SHISA9: variants seen among roughly 807,000 people sequenced by gnomAD.
SHISA9 encodes the protein protein shisa-9.
SHISA9 carries 13 observed loss-of-function variants against 38.0 expected under a neutral mutation model. The ratio of observed to expected loss-of-function variants is 0.34; its 90% CI spans 0.22 to 0.54. The LOEUF is 0.54. SHISA9 is among the 20% of genes least tolerant of loss of function. The pLI is 0.91. For missense variants in SHISA9, 538 were observed against 575.8 expected, an observed-to-expected ratio of 0.93 and a Z score of 0.67; for synonymous variants, 275 against 242.0, an observed-to-expected ratio of 1.14 and a Z score of -1.27.
intron 2 of SHISA9, among the ~76,000 whole-genome samples, chr16:13,097,914 G>A: frequency 6.6e-6 from 1 of 152,198 alleles, no homozygotes; most frequent in East Asian, 1.9e-4. Flanking sequence ...AAACAAGCTA[G>A]TAGTCATAGT....
intron 1 of SHISA9, among the ~76,000 whole-genome samples, chr16:12,912,122 A>C (rs1187783056): frequency 6.6e-6 from 1 of 151,784 alleles, no homozygotes; most frequent in Non-Finnish European, 1.5e-5. Context: ...AATACACGTA[A>C]GACCATACAA....
At chr16:13,398,737 C>A in the SHISA9 span, among the ~76,000 whole-genome samples, 1 of 152,006 alleles carries the variant, frequency 6.6e-6, no homozygotes, top group Non-Finnish European at 1.5e-5. Flanking sequence ...GTCTTGAACT[C>A]CTGACCTCAG....
intron 2 of SHISA9, among the ~76,000 whole-genome samples, chr16:13,094,848 T>C (rs1220864824): frequency 6.6e-6 from 1 of 152,214 alleles, no homozygotes; most frequent in Non-Finnish European, 1.5e-5. Flanking sequence ...TCACTTAACC[T>C]CTCTGAGTCC....
chr16:13,526,751 G>C, the SHISA9 span, among the ~76,000 whole-genome samples: 3 of 151,976 alleles, frequency 2.0e-5, no homozygotes, highest in African/African-American at 4.8e-5. Context: ...GAATATTTTT[G>C]AAAAATTAAT....
chr16:13,097,318 A>G (rs988752189), intron 2 of SHISA9, among the ~76,000 whole-genome samples: 1 of 152,058 alleles, frequency 6.6e-6, no homozygotes, highest in African/African-American at 2.4e-5. Flanking sequence ...TGACCCTTGG[A>G]ATAGTGCTCT....
At chr16:13,132,118 T>A (rs1196266618) in intron 2 of SHISA9, among the ~76,000 whole-genome samples, 1 of 152,164 alleles carries the variant, frequency 6.6e-6, no homozygotes, top group Non-Finnish European at 1.5e-5. Flanking sequence ...CCTCCCTGAT[T>A]TCCAATAGGC....
At chr16:13,243,814 C>A (rs2051452834), downstream of SHISA9, among the ~76,000 whole-genome samples, 1 of 139,820 alleles carries the variant, frequency 7.2e-6, no homozygotes, top group East Asian at 2.4e-4. Context: ...TGCTCTGTCA[C>A]CAGGCTGCAG....
the SHISA9 span, among the ~76,000 whole-genome samples, chr16:13,328,886 A>G: frequency 2.6e-5 from 4 of 152,100 alleles, no homozygotes; most frequent in Admixed American, 1.3e-4. Context: ...TTTCCTTTCA[A>G]TGAAAAGCAG....
chr16:13,006,725 G>C (rs1182877549), intron 2 of SHISA9, among the ~76,000 whole-genome samples: 1 of 152,162 alleles, frequency 6.6e-6, no homozygotes, highest in Non-Finnish European at 1.5e-5. Context: ...CAGCTGATTA[G>C]GGGGAAATAG....
intron 2 of SHISA9, among the ~76,000 whole-genome samples, chr16:13,076,641 A>C (rs1370244958): frequency 6.6e-6 from 1 of 152,112 alleles, no homozygotes; most frequent in South Asian, 2.1e-4. Flanking sequence ...CCCTTTTCCT[A>C]TTTCCCCATT....
the SHISA9 span, among the ~76,000 whole-genome samples, chr16:13,422,182 C>A: frequency 6.6e-6 from 1 of 152,152 alleles, no homozygotes; most frequent in Non-Finnish European, 1.5e-5. Flanking sequence ...GCAAATGCTC[C>A]CCATGGAGCC....
At chr16:13,254,665 C>T in the SHISA9 span, among the ~76,000 whole-genome samples, 4 of 152,242 alleles carry the variant, frequency 2.6e-5, no homozygotes, top group African/African-American at 9.6e-5. Flanking sequence ...AATCACCTCC[C>T]CCAGAACCAA....
chr16:13,367,712 G>GTGCGCACACACACA, the SHISA9 span, among the ~76,000 whole-genome samples: 1 of 104,640 alleles, frequency 9.6e-6, no homozygotes, highest in African/African-American at 3.5e-5. Context: ...GCGCGCGCGC[G>GTGCGCACACACACA]CACACACACA....
intron 2 of SHISA9, among the ~76,000 whole-genome samples, chr16:13,017,163 G>A (rs1449984097): frequency 6.6e-6 from 1 of 151,908 alleles, no homozygotes; most frequent in East Asian, 1.9e-4. Flanking sequence ...GGGATTACAG[G>A]CCCCCGCCAC....
chr16:12,902,562 C>G lies in SHISA9; in HGVS notation c.498C>G (p.Leu166=), dbSNP rs1298699676. The G allele has an allele frequency of 1.3e-6, 2 of 1,551,276 alleles. No homozygotes were observed. Among genetic ancestry groups the G allele is most frequent in the Non-Finnish European group, 1.7e-6 (2 of 1,146,994 alleles). The change falls in exon 1 of 5, where the codon CTC becomes CTG. Residue 166 remains leucine, a synonymous_variant. Transcript: ENST00000558583. The part of the protein sequence containing the change: ...IICGVVAVMV[L]VGIFTKLGLE... ...GCGGGGTGGTGGCCGTCATGGTGCT[C>G]GTGGGCATCTTCACCAAGCTGGGGC...
chr16:13,039,228 C>T (rs1280215305), intron 2 of SHISA9, among the ~76,000 whole-genome samples: 1 of 152,132 alleles, frequency 6.6e-6, no homozygotes, highest in African/African-American at 2.4e-5. Context: ...TAATGTTAAT[C>T]ATAATGTTAA....
chr16:13,104,219 A>G (rs924254580), intron 2 of SHISA9, among the ~76,000 whole-genome samples: 2 of 152,160 alleles, frequency 1.3e-5, no homozygotes, highest in African/African-American at 4.8e-5. Flanking sequence ...AAGGTAGGAT[A>G]TAGTAGTATT....
At chr16:13,095,072 C>G (rs2073812088) in intron 2 of SHISA9, among the ~76,000 whole-genome samples, 1 of 152,174 alleles carries the variant, frequency 6.6e-6, no homozygotes, top group Admixed American at 6.5e-5. Context: ...GTTAAATGGT[C>G]TGTCAAATGG....
chr16:13,550,890 A>G, the SHISA9 span, among the ~76,000 whole-genome samples: 1,247 of 152,168 alleles, frequency 8.2e-3, 7 homozygotes, highest in Middle Eastern at 0.071. Context: ...TTGGGAGGCC[A>G]ACGTGGGCGG....
Sources: gnomAD v4.1 joint callset for allele counts (sites outside exome capture counted in the v4.1 genomes callset) on GRCh38, gnomAD v4.1.1 for gene constraint, MANE v1.5 for transcripts, NCBI Gene and HGNC (gene_info 2026-07-23, HGNC 2026-07-21) for gene names.